The following SETD2 variants were observed in gnomAD, a reference collection of about 807,000 sequenced individuals.
SETD2 encodes SET domain containing 2, histone lysine methyltransferase.
SETD2 carries 31 observed loss-of-function variants against 242.1 expected under a neutral mutation model. The observed-to-expected ratio is 0.13, with a 90% confidence interval of 0.10 to 0.17. The LOEUF (loss-of-function observed/expected upper bound fraction) is 0.17, where lower values mean the gene tolerates loss of function less well. Among genes scored for constraint, SETD2 ranks in the 10% least tolerant of loss-of-function variants. The pLI is 1.00. For synonymous variants in SETD2, 1,006 were observed against 1,066.5 expected, an observed-to-expected ratio of 0.94 and a Z score of 1.11; for missense variants, 2,481 against 3,046.3, an observed-to-expected ratio of 0.81 and a Z score of 4.37.
In SETD2 at chr3:47,164,037, G is replaced by A; in HGVS notation, c.-113C>T. On this transcript the variant is annotated 5_prime_UTR_variant, in exon 1 of 21. Coordinates refer to ENST00000409792, the MANE Select transcript of SETD2 (RefSeq NM_014159.7). This position sits in a 1 kb window ranked among gnomAD's most constrained non-coding sequence, Gnocchi z 5.4. Reference sequence around the variant, plus strand: ...CGCGGCGGCGGCGGCGGCGGCGGCGGCGGCGGCAGGGGCGGCCCGCGTCGC... The same window carrying A: ...CGCGGCGGCGGCGGCGGCGGCGGCGACGGCGGCAGGGGCGGCCCGCGTCGC... 8.2e-7 allele frequency: 1 copy of A among 1,225,768 alleles called. No homozygotes were observed. Among genetic ancestry groups the A allele is most frequent in the South Asian group, 4.0e-5 (1 of 24,828 alleles). 75.9% of individuals were successfully genotyped at this position (1,225,768 alleles called of 1,614,324 possible).
In SETD2 at chr3:47,122,831, A is replaced by C. The variant is rs949650635; in HGVS notation, c.1805T>G (p.Met602Arg). The part of the protein sequence containing the change: ...TPCSKGSELR[M>R]INKNPEREKA... ...TTCTCTTTCAGGATTTTTATTAATC[A>C]TTCTTAATTCACTACCTTTTGAACA... is the stretch of plus-strand genomic sequence containing the variant. Residue 602 changes from methionine (M) to arginine (R), a missense_variant, in exon 3 of 21, where the codon ATG (methionine) becomes AGG (arginine). This residue lies in a region of SETD2 where 1,300 missense variants were observed against 1,259.2 expected (regional missense o/e 1.03). Transcript: ENST00000409792. 1 of 1,613,380 alleles carries C rather than the reference A, an allele frequency of 6.2e-7. No individual in the cohort carries two copies. The highest frequency in any genetic ancestry group is 8.5e-7 in the Non-Finnish European group (1 of 1,179,806).
At chr3:47,162,206 C>T (rs755160069) in intron 1 of SETD2, among the ~76,000 whole-genome samples, 8 of 152,164 alleles carry the variant, frequency 5.3e-5, no homozygotes, top group Non-Finnish European at 1.0e-4. Context: ...AAAGCAGGCA[C>T]TTAGCCTATT....
rs148810823 is a variant in SETD2 at position 47,122,778 on chromosome 3, G to T, written c.1858C>A (p.Arg620=). 9.3e-6 allele frequency: 15 copies of T among 1,610,436 alleles called. No homozygotes were observed. Among genetic ancestry groups the T allele is most frequent in the Non-Finnish European group, 1.3e-5 (15 of 1,179,110 alleles). ...EKAGSPAPSN[R]LNDSPTLKKL... ...TTTAAAGTAGGTGAATCATTTAATC[G>T]ATTTGATGGAGCTGGAGACCCAGCC... Residue 620 remains arginine, a synonymous_variant, in exon 3 of 21, where the codon CGA becomes AGA. Coordinates refer to ENST00000409792, the MANE Select transcript of SETD2 (RefSeq NM_014159.7).
In SETD2 at chr3:47,164,108, C is replaced by T; in HGVS notation, c.-184G>A. On this transcript the variant is annotated 5_prime_UTR_variant, in exon 1 of 21. Coordinates refer to ENST00000409792, the MANE Select transcript of SETD2 (RefSeq NM_014159.7). The surrounding 1 kb of genome is among the most constrained non-coding windows in gnomAD (Gnocchi z 5.4). ...CCCTCCCTCGGACGCCCGCCAGCCG[C>T]TCTCTCCCTCTCACCCTCACACCGG... 1 of 1,053,774 alleles carries T rather than the reference C, an allele frequency of 9.5e-7. No individual in the cohort carries two copies. The highest frequency in any genetic ancestry group is 1.2e-6 in the Non-Finnish European group (1 of 833,810). 65.3% of individuals were successfully genotyped at this position (1,053,774 alleles called of 1,614,324 possible).
At chr3:47,077,102 C>T (rs189669155) in intron 12 of SETD2, among the ~76,000 whole-genome samples, 5 of 152,198 alleles carry the variant, frequency 3.3e-5, no homozygotes, top group African/African-American at 9.6e-5. Context: ...ATTTATTTTT[C>T]GAGACAGAAT....
chr3:47,133,301 G>A (rs983836280), intron 1 of SETD2, among the ~76,000 whole-genome samples: 7 of 152,076 alleles, frequency 4.6e-5, no homozygotes, highest in East Asian at 1.9e-4. Context: ...CGATCCTCCC[G>A]CCTTAGCCTC....
At chr3:47,051,255 C>T (rs2039832399) in intron 15 of SETD2, among the ~76,000 whole-genome samples, 1 of 152,056 alleles carries the variant, frequency 6.6e-6, no homozygotes, top group Non-Finnish European at 1.5e-5. Context: ...CAGGAGCATG[C>T]CACCACATCC....
intron 1 of SETD2, among the ~76,000 whole-genome samples, chr3:47,150,553 C>T (rs1197588119): frequency 6.6e-6 from 1 of 151,918 alleles, no homozygotes; most frequent in African/African-American, 2.4e-5. Context: ...ACTGAAAAGG[C>T]TGGGAGAAAA....
chr3:47,038,467 T>C (rs995499383), intron 17 of SETD2, among the ~76,000 whole-genome samples: 1 of 151,932 alleles, frequency 6.6e-6, no homozygotes, highest in South Asian at 2.1e-4. Context: ...TACAAAAAAT[T>C]TGCCAGTCGT....
chr3:47,139,267 C>G (rs976218571), intron 1 of SETD2, among the ~76,000 whole-genome samples: 1 of 152,174 alleles, frequency 6.6e-6, no homozygotes, highest in African/African-American at 2.4e-5. Context: ...CCACTAAAGC[C>G]TTTCCTTCCT....
intron 3 of SETD2, 30 bp from the exon 4 acceptor site, chr3:47,116,784 TAAATA>T: frequency 6.9e-7 from 1 of 1,443,132 alleles, no homozygotes; most frequent in Non-Finnish European, 9.6e-7. Flanking sequence ...AAAAACTGAT[TAAATA>T]AATTTCCTGG....
intron 15 of SETD2, among the ~76,000 whole-genome samples, chr3:47,051,439 C>G (rs2039840353): frequency 6.6e-6 from 1 of 152,100 alleles, no homozygotes; most frequent in Admixed American, 6.6e-5. Flanking sequence ...CCTGCAATCT[C>G]TTTTACCCAG....
chr3:47,161,223 C>G (rs759071440), intron 1 of SETD2, among the ~76,000 whole-genome samples: 1 of 152,168 alleles, frequency 6.6e-6, no homozygotes, highest in Non-Finnish European at 1.5e-5. Context: ...CCACATTCTG[C>G]GCCAAGTGCT....
rs2043148756 is a variant in SETD2 at position 47,122,673 on chromosome 3, A to G, written c.1963T>C (p.Leu655=). The G allele has an allele frequency of 6.2e-7, 1 of 1,613,432 alleles. No homozygotes were observed. Among genetic ancestry groups the G allele is most frequent in the Admixed American group, 1.7e-5 (1 of 59,974 alleles). Residue 655 remains leucine (L), a synonymous_variant, in exon 3 of 21, where the codon TTA becomes CTA. Transcript: ENST00000409792. ...SHDSIKELDS[L]SKVKNDQLRS... Reference sequence around the variant, plus strand: ...AATTGATCATTCTTCACTTTAGATAAAGAGTCTAATTCCTTAATACTATCA... The same window carrying G: ...AATTGATCATTCTTCACTTTAGATAGAGAGTCTAATTCCTTAATACTATCA...
Position 47,068,005 on chromosome 3 carries a change from C to T in SETD2, c.6061-887G>A, listed in dbSNP as rs190316614. Among the ~76,000 whole-genome samples, 593 of 152,296 alleles carry T rather than the reference C, an allele frequency of 3.9e-3. 2 individuals are homozygous for T. Among genetic ancestry groups the T allele is most frequent in the Non-Finnish European group, 6.7e-3 (459 of 68,028 alleles). On this transcript the variant is annotated intron_variant, in intron 12 of 20. Transcript: ENST00000409792. ...TGAGAAATGTGAACTGTTTTAAAGGCTTTTAAGTACCTTTTCTTGTGTTAT... is the reference window on the plus strand; with the variant it reads ...TGAGAAATGTGAACTGTTTTAAAGGTTTTTAAGTACCTTTTCTTGTGTTAT...
Position 47,083,895 on chromosome 3 carries a change from G to A in SETD2, c.5885C>T (p.Pro1962Leu), listed in dbSNP as rs4082155. ...SEPEADAEIE[P>L]KESNGTKLEE... ...TAGTTTTGTGCCGTTGCTCTCTTTGGGCTCTATTTCAGCGTCAGCTTCTGG... is the reference window on the plus strand; with the variant it reads ...TAGTTTTGTGCCGTTGCTCTCTTTGAGCTCTATTTCAGCGTCAGCTTCTGG... The change falls in exon 12 of 21, where the codon CCC becomes CTC. Residue 1962 changes from proline to leucine, a missense_variant. Coordinates refer to ENST00000409792, the MANE Select transcript of SETD2 (RefSeq NM_014159.7). 0.55 allele frequency: 894,668 copies of A among 1,613,586 alleles called. 252,442 individuals are homozygous for A. Among genetic ancestry groups the A allele is most frequent in the Non-Finnish European group, 0.57 (678,055 of 1,179,782 alleles).
chr3:47,157,284 T>C (rs2044147319), intron 1 of SETD2, among the ~76,000 whole-genome samples: 1 of 151,166 alleles, frequency 6.6e-6, no homozygotes, highest in Non-Finnish European at 1.5e-5. Flanking sequence ...TAGCCAGGAG[T>C]GGTGGTGCAC....
intron 15 of SETD2, among the ~76,000 whole-genome samples, chr3:47,051,714 T>C (rs537495647): frequency 1.3e-3 from 195 of 152,104 alleles, no homozygotes; most frequent in African/African-American, 4.6e-3. Context: ...AAAAAGCTAG[T>C]TCGAATTCTA....
intron 3 of SETD2, chr3:47,119,561 G>T (rs997693025): frequency 1.3e-5 from 3 of 235,008 alleles, no homozygotes; most frequent in Non-Finnish European, 2.6e-5. Context: ...AGTCACACAA[G>T]ATCTGATGGG....
Sources: gnomAD v4.1 joint callset for allele counts (sites outside exome capture counted in the v4.1 genomes callset) on GRCh38, gnomAD v4.1.1 for gene constraint, gnomAD v4.1.1 regional missense constraint, Gnocchi (gnomAD v3.1) non-coding constraint, MANE v1.5 for transcripts, NCBI Gene and HGNC (gene_info 2026-07-23, HGNC 2026-07-21) for gene names.